The following DACH1 variants were observed in gnomAD, a reference collection of about 807,000 sequenced individuals.
DACH1 encodes dachshund homolog 1.
DACH1 carries 12 observed loss-of-function variants against 54.2 expected under a neutral mutation model. That is an observed-to-expected ratio of 0.22 (90% CI 0.14 to 0.36). The LOEUF (loss-of-function observed/expected upper bound fraction) is 0.36, where lower values mean the gene tolerates loss of function less well. DACH1 is among the 10% of genes least tolerant of loss of function. The probability of loss-of-function intolerance (pLI) is 1.00; values close to 1 mark genes in which losing one functional copy is unlikely to be tolerated. For synonymous variants in DACH1, 386 were observed against 366.2 expected (o/e 1.05, Z -0.62); for missense variants, 805 against 929.8 (o/e 0.87, Z 1.75).
intron 1 of DACH1, among the ~76,000 whole-genome samples, chr13:71,840,110 C>G (rs921434645): frequency 2.0e-5 from 3 of 152,008 alleles, no homozygotes; most frequent in Non-Finnish European, 4.4e-5. Flanking sequence ...CCACACCCAG[C>G]TAAGTTTTTC....
chr13:71,692,290 G>A (rs1457507706), intron 1 of DACH1, among the ~76,000 whole-genome samples: 1 of 151,878 alleles, frequency 6.6e-6, no homozygotes, highest in Non-Finnish European at 1.5e-5. Context: ...TCCTTAGCAT[G>A]GTTAGTCTCA....
chr13:71,793,136 T>C (rs1594228927), intron 1 of DACH1, among the ~76,000 whole-genome samples: 1 of 152,200 alleles, frequency 6.6e-6, no homozygotes, highest in Non-Finnish European at 1.5e-5. Context: ...CTGGTTAACT[T>C]GTTCCAAAAG....
At chr13:71,662,811 A>G (rs1566415175) in intron 2 of DACH1, among the ~76,000 whole-genome samples, 2 of 152,100 alleles carry the variant, frequency 1.3e-5, no homozygotes, top group Middle Eastern at 3.4e-3. Flanking sequence ...ACTTTCCACT[A>G]TAATGAGAAT....
At chr13:71,827,673 C>T (rs1019030000) in intron 1 of DACH1, among the ~76,000 whole-genome samples, 1 of 152,076 alleles carries the variant, frequency 6.6e-6, no homozygotes, top group East Asian at 1.9e-4. Flanking sequence ...TTCAATGTGA[C>T]AGTGCCCTTT....
rs561316414 is a variant in DACH1 at position 71,781,964 on chromosome 13, A to T, written c.848+83958T>A. 2.0e-5 allele frequency among the ~76,000 whole-genome samples: 3 copies of T among 152,278 alleles called. No homozygotes were observed. In the East Asian group the frequency reaches 5.8e-4, roughly 29 times the overall value. ...CTTCAGAAAGCTTGAATGATGCTAC[A>T]CTGATTACTGCAATAAGTACCAATT... On this transcript the variant is annotated intron_variant, in intron 1 of 10. Transcript: ENST00000613252.
At chr13:71,462,306 A>T (rs1331655877) in intron 10 of DACH1, among the ~76,000 whole-genome samples, 2 of 151,934 alleles carry the variant, frequency 1.3e-5, no homozygotes, top group Admixed American at 1.3e-4. Context: ...AGCCAACAAT[A>T]ACTAGTTTAT....
At chr13:71,623,426 C>T (rs1566386250) in intron 3 of DACH1, among the ~76,000 whole-genome samples, 1 of 151,548 alleles carries the variant, frequency 6.6e-6, no homozygotes, top group African/African-American at 2.4e-5. Flanking sequence ...TTAGCCTCTT[C>T]CAAACCCTAA....
chr13:71,678,725 T>C (rs1168632876), intron 2 of DACH1, among the ~76,000 whole-genome samples: 2 of 152,010 alleles, frequency 1.3e-5, no homozygotes, highest in East Asian at 1.9e-4. Context: ...GGTACAATCA[T>C]AGCTCACCAC....
intron 2 of DACH1, among the ~76,000 whole-genome samples, chr13:71,645,404 T>C (rs1055988329): frequency 4.6e-5 from 7 of 152,288 alleles, no homozygotes; most frequent in African/African-American, 1.7e-4. Flanking sequence ...GCAAGAGTGG[T>C]CATGGTTTAT....
chr13:71,510,755 A>C (rs764077468), intron 6 of DACH1, among the ~76,000 whole-genome samples: 13 of 151,992 alleles, frequency 8.6e-5, no homozygotes, highest in Admixed American at 3.3e-4. Context: ...ATTACACAGC[A>C]ATGTTTTATC....
intron 3 of DACH1, among the ~76,000 whole-genome samples, chr13:71,608,643 T>C (rs1284882871): frequency 3.3e-5 from 5 of 152,258 alleles, no homozygotes; most frequent in Admixed American, 6.5e-5. Flanking sequence ...ATTTGGAATA[T>C]GGTATATCTG....
chr13:71,783,610 C>A (rs531110524), intron 1 of DACH1, among the ~76,000 whole-genome samples: 1 of 152,178 alleles, frequency 6.6e-6, no homozygotes, highest in East Asian at 1.9e-4. Context: ...CCCCCAAGAG[C>A]ATTGCCTTTA....
At chr13:71,600,763 A>G (rs1322596220) in intron 3 of DACH1, among the ~76,000 whole-genome samples, 1 of 152,076 alleles carries the variant, frequency 6.6e-6, no homozygotes, top group Non-Finnish European at 1.5e-5. Flanking sequence ...ATGGTTTTCA[A>G]GTTTATATTT....
In DACH1 at chr13:71,719,192, A is replaced by C. The variant is rs558519082; in HGVS notation, c.849-37282T>G. On this transcript the variant is annotated intron_variant, in intron 1 of 10. Transcript: ENST00000613252. ...GCTTAAATTATGAGTATTTGCATTT[A>C]AAAGAGGCTCCTTCTTCTGTATGAA... is the stretch of plus-strand genomic sequence containing the variant. Among the ~76,000 whole-genome samples the C allele has an allele frequency of 4.1e-4, 62 of 152,292 alleles. 1 individual carries two copies. The East Asian group carries it at 8.7e-3, about 21-fold the overall frequency.
chr13:71,660,723 G>T (rs1328270010), intron 2 of DACH1, among the ~76,000 whole-genome samples: 1 of 151,850 alleles, frequency 6.6e-6, no homozygotes, highest in Admixed American at 6.6e-5. Context: ...TTTATGTAAT[G>T]TGTAAGCTGC....
At position 71,657,565 on chromosome 13, in the gene DACH1, C is replaced by T. The variant is rs1473301258; in HGVS notation, c.964+24230G>A. The stretch of plus-strand genomic sequence containing the variant: ...TCCAGCCTGGGTGACAGATTGAGAC[C>T]CTGTCTCAAATAAAAAAAAAAAAAA... On this transcript the variant is annotated intron_variant, in intron 2 of 10. Transcript: ENST00000613252. 3.3e-5 allele frequency among the ~76,000 whole-genome samples: 4 copies of T among 121,194 alleles called. No homozygotes were observed. The East Asian group carries it at 9.3e-4, about 28-fold the overall frequency. The allele number at this position is 121,194 out of a possible 152,430, so 79.5% of individuals were successfully genotyped here.
At position 71,662,447 on chromosome 13, in the gene DACH1, A is replaced by T. The variant is rs113957593; in HGVS notation, c.964+19348T>A. Among the ~76,000 whole-genome samples, 351 of 152,142 alleles carry T rather than the reference A, an allele frequency of 2.3e-3. 1 individual carries two copies. The highest frequency in any genetic ancestry group is 7.9e-3 in the African/African-American group (328 of 41,556). ...ATGTTAACAGTCTTGAGCAAGAAAA[A>T]TCAGTGCCAAAATTTACTCATCTGT... On this transcript the variant is annotated intron_variant, in intron 2 of 10. Transcript: ENST00000613252.
chr13:71,493,118 C>T (rs748506744), intron 6 of DACH1, among the ~76,000 whole-genome samples: 7 of 151,612 alleles, frequency 4.6e-5, no homozygotes, highest in Middle Eastern at 3.4e-3. Flanking sequence ...CACACCCTGT[C>T]TGGTCCTTTT....
At chr13:71,611,545 C>T (rs993091758) in intron 3 of DACH1, among the ~76,000 whole-genome samples, 12 of 152,104 alleles carry the variant, frequency 7.9e-5, no homozygotes, top group Admixed American at 1.3e-4. Context: ...TTATACCTTC[C>T]GTATTTCATT....
Sources: allele counts gnomAD v4.1 joint callset (sites outside exome capture counted in the v4.1 genomes callset), GRCh38; gene constraint gnomAD v4.1.1; transcripts MANE v1.5; gene names NCBI Gene and HGNC (gene_info 2026-07-23, HGNC 2026-07-21).